The following EFCAB6 variants were observed in gnomAD, a reference collection of about 807,000 sequenced individuals.
The protein encoded by EFCAB6 is EF-hand calcium-binding domain-containing protein 6.
EFCAB6 carries 156 observed loss-of-function variants against 169.8 expected under a neutral mutation model. The ratio of observed to expected loss-of-function variants is 0.92; its 90% CI spans 0.81 to 1.05. The LOEUF (loss-of-function observed/expected upper bound fraction) is 1.05, where lower values mean the gene tolerates loss of function less well. Among genes scored for constraint, EFCAB6 ranks in the 50% least tolerant of loss-of-function variants. The pLI is 0.00. For missense variants in EFCAB6, 1,800 were observed against 1,829.1 expected (o/e 0.98, Z 0.29); for synonymous variants, 698 against 676.4 (o/e 1.03, Z -0.50).
intron 17 of EFCAB6, among the ~76,000 whole-genome samples, chr22:43,662,414 T>C (rs1352905920): frequency 6.6e-6 from 1 of 152,038 alleles, no homozygotes; most frequent in South Asian, 2.1e-4. Context: ...GAATAAATAA[T>C]TGGCACTTCC....
chr22:43,653,341 T>TA (rs111365854), intron 17 of EFCAB6, among the ~76,000 whole-genome samples: 5,414 of 152,202 alleles, frequency 0.036, 310 homozygotes, highest in African/African-American at 0.12. Flanking sequence ...AAAGACACAT[T>TA]ATACCCAATA....
At chr22:43,723,495 G>A (rs1167796009) in intron 8 of EFCAB6, among the ~76,000 whole-genome samples, 7 of 152,280 alleles carry the variant, frequency 4.6e-5, no homozygotes, top group South Asian at 4.1e-4. Flanking sequence ...AATGTACTCA[G>A]GGAATCATTC....
rs754689634 is a variant in EFCAB6 at position 43,555,046 on chromosome 22, A to G, written c.3471T>C (p.Ser1157=). 1 of 1,614,108 alleles carries G rather than the reference A, an allele frequency of 6.2e-7. No individual in the cohort carries two copies. The highest frequency in any genetic ancestry group is 8.5e-7 in the Non-Finnish European group (1 of 1,179,988). ...EKMPKGPPPT[S]PKATADRDIL... is the part of the protein sequence containing the mutation. ...TGTCTCTGTCGGCTGTGGCCTTGGG[A>G]GAGGTAGGCGGCGGGCCTTTGGGCA... Residue 1157 remains serine, a synonymous_variant, in exon 27 of 32, where the codon TCT becomes TCC. Transcript: ENST00000262726.
intron 29 of EFCAB6, chr22:43,535,595 C>T (rs1319245327): frequency 6.6e-6 from 1 of 152,216 alleles, no homozygotes; most frequent in African/African-American, 2.4e-5. Flanking sequence ...CATTCTCCTG[C>T]CAGTTGTAAA....
intron 10 of EFCAB6, among the ~76,000 whole-genome samples, chr22:43,688,105 C>G (rs1031247763): frequency 2.6e-5 from 4 of 152,148 alleles, no homozygotes; most frequent in African/African-American, 7.2e-5. Context: ...CTAGCTGCAG[C>G]CATCAAAAGA....
intron 23 of EFCAB6, among the ~76,000 whole-genome samples, chr22:43,598,310 G>GAAAAAAAAAAAAAA (rs1402967848): frequency 1.7e-5 from 1 of 57,660 alleles, no homozygotes; most frequent in East Asian, 1.0e-3. Context: ...ACTGTCTCCG[G>GAAAAAAAAAAAAAA]GAAAAAAAAA....
chr22:43,676,920 AG>A (rs1477548876), intron 13 of EFCAB6, among the ~76,000 whole-genome samples: 1 of 152,222 alleles, frequency 6.6e-6, no homozygotes, highest in East Asian at 1.9e-4. Context: ...CCCTAAAGCA[AG>A]GCACCCCATT....
rs540942386 is a variant in EFCAB6 at position 43,636,697 on chromosome 22, G to T, written c.1984-1481C>A. Among the ~76,000 whole-genome samples the T allele has an allele frequency of 4.1e-5, 6 of 146,488 alleles. No individual in the cohort carries two copies. The South Asian group carries it at 6.4e-4, about 16-fold the overall frequency. On this transcript the variant is annotated intron_variant, in intron 17 of 31. Transcript: ENST00000262726. The stretch of plus-strand genomic sequence containing the variant: ...GCTACCTAGGTGCACTGTAACCTCT[G>T]CCTCCCGGGCTCAAGTGATTCTCCT...
rs779615740 is a variant in EFCAB6, at chr22:43,668,876, CAGAA to C, written c.1806_1809del (p.Ser603ArgfsTer12). On this transcript the variant is annotated frameshift_variant, in exon 16 of 32. Coordinates refer to ENST00000262726, the MANE Select transcript of EFCAB6 (RefSeq NM_022785.4). LOFTEE classifies it high-confidence loss of function. ...ATTCATTTTGCTTAATTTTACCTCT[CAGAA>C]AGATCTGGCTGCTGCTGTTCATCTT... is the stretch of plus-strand genomic sequence containing the variant. 6.3e-7 allele frequency: 1 copy of C among 1,591,462 alleles called. No homozygotes were observed. The highest frequency in any genetic ancestry group is 1.2e-5 in the South Asian group (1 of 85,694).
At chr22:43,741,356 A>G (rs886692901) in intron 6 of EFCAB6, among the ~76,000 whole-genome samples, 2 of 152,018 alleles carry the variant, frequency 1.3e-5, no homozygotes, top group African/African-American at 4.8e-5. Context: ...TGCCTCAGTT[A>G]TGGGGCCTCT....
intron 23 of EFCAB6, among the ~76,000 whole-genome samples, chr22:43,594,275 C>CAAAAAAA (rs750560174): frequency 2.9e-3 from 238 of 81,364 alleles, no homozygotes; most frequent in Non-Finnish European, 4.3e-3. Flanking sequence ...AACTCTGTTT[C>CAAAAAAA]AAAAAAAAAA....
intron 10 of EFCAB6, among the ~76,000 whole-genome samples, chr22:43,698,428 G>A (rs112031460): frequency 1.5e-4 from 23 of 152,230 alleles, no homozygotes; most frequent in Middle Eastern, 3.4e-3. Flanking sequence ...GTGGAGCCCC[G>A]GGATGCTGTA....
intron 17 of EFCAB6, among the ~76,000 whole-genome samples, chr22:43,651,375 T>C (rs1273989182): frequency 6.6e-6 from 1 of 152,202 alleles, no homozygotes; most frequent in Non-Finnish European, 1.5e-5. Context: ...AGCCTGTGAG[T>C]GCACAGAAGT....
rs534233955 is a variant in EFCAB6, at chr22:43,725,112, G to C, written c.757+6587C>G. Among the ~76,000 whole-genome samples, 6 of 150,996 alleles carry C rather than the reference G, an allele frequency of 4.0e-5. No individual in the cohort carries two copies. The East Asian group carries it at 1.2e-3, about 30-fold the overall frequency. On this transcript the variant is annotated intron_variant, in intron 8 of 31. Transcript: ENST00000262726. Reference sequence around the variant, plus strand: ...AGAAAGCATCACAGGGCAAGAGAGAGGCATGTTGAGAGCCAAACTGGCTTT... The same window carrying C: ...AGAAAGCATCACAGGGCAAGAGAGACGCATGTTGAGAGCCAAACTGGCTTT...
intron 23 of EFCAB6, among the ~76,000 whole-genome samples, chr22:43,593,342 G>T (rs1301106390): frequency 6.6e-6 from 1 of 152,182 alleles, no homozygotes; most frequent in East Asian, 1.9e-4. Flanking sequence ...GCATGCCCAT[G>T]CTCCGTGTGG....
At chr22:43,619,149 C>A (rs1013388898) in intron 20 of EFCAB6, among the ~76,000 whole-genome samples, 3 of 152,120 alleles carry the variant, frequency 2.0e-5, no homozygotes, top group Non-Finnish European at 4.4e-5. Context: ...TGACCCCAAG[C>A]AGCATAGCAA....
chr22:43,618,459 C>T (rs1332498505), intron 20 of EFCAB6, among the ~76,000 whole-genome samples: 1 of 152,096 alleles, frequency 6.6e-6, no homozygotes, highest in African/African-American at 2.4e-5. Context: ...TTCTCTCCTT[C>T]TTATGACAAC....
At chr22:43,798,107 C>T (rs1250233521) in intron 2 of EFCAB6, among the ~76,000 whole-genome samples, 2 of 152,146 alleles carry the variant, frequency 1.3e-5, no homozygotes, top group African/African-American at 2.4e-5. Flanking sequence ...CATTGCTGGC[C>T]AGGCACAGTG....
chr22:43,581,880 C>T (rs1015052969), intron 24 of EFCAB6, among the ~76,000 whole-genome samples: 4 of 152,144 alleles, frequency 2.6e-5, no homozygotes, highest in South Asian at 2.1e-4. Flanking sequence ...AAATTGCCAA[C>T]GTGGTATTAA....
Sources: gnomAD v4.1 joint callset for allele counts (sites outside exome capture counted in the v4.1 genomes callset) on GRCh38, gnomAD v4.1.1 for gene constraint, MANE v1.5 for transcripts, NCBI Gene and HGNC (gene_info 2026-07-23, HGNC 2026-07-21) for gene names.